SRBD1: variants seen among roughly 807,000 people sequenced by gnomAD.
SRBD1 encodes the protein S1 RNA binding domain 1.
In SRBD1, 88 loss-of-function variants were observed where a neutral mutation model predicts 115.3. The observed-to-expected ratio is 0.76, with a 90% confidence interval of 0.64 to 0.91. The LOEUF is 0.91. Among genes scored for constraint, SRBD1 ranks in the 40% least tolerant of loss-of-function variants. The probability of loss-of-function intolerance (pLI) is 0.00; values close to 1 mark genes in which losing one functional copy is unlikely to be tolerated. For synonymous variants in SRBD1, 509 were observed against 407.7 expected (o/e 1.25, Z -2.99); for missense variants, 1,385 against 1,177.4 (o/e 1.18, Z -2.58).
At chr2:45,520,128 G>C (rs1276393411) in intron 14 of SRBD1, among the ~76,000 whole-genome samples, 1 of 152,190 alleles carries the variant, frequency 6.6e-6, no homozygotes, top group Non-Finnish European at 1.5e-5. Context: ...TACTTAAAAA[G>C]ACAGATGTTC....
At chr2:45,397,156 G>C (rs1488306379) in intron 19 of SRBD1, among the ~76,000 whole-genome samples, 1 of 152,098 alleles carries the variant, frequency 6.6e-6, no homozygotes, top group Non-Finnish European at 1.5e-5. Context: ...GTCTTAATCT[G>C]TAATACAGGT....
chr2:45,506,809 A>C (rs1670813233), intron 14 of SRBD1, among the ~76,000 whole-genome samples: 1 of 152,200 alleles, frequency 6.6e-6, no homozygotes, highest in Admixed American at 6.5e-5. Flanking sequence ...ATGTAAATTA[A>C]ATAGTGCATA....
chr2:45,418,590 A>G, intron 17 of SRBD1, 49 bp from the exon 18 acceptor site: 1 of 1,551,934 alleles, frequency 6.4e-7, no homozygotes, highest in East Asian at 2.3e-5. Flanking sequence ...ATCTGAAAAG[A>G]CAATGATATA....
At chr2:45,432,586 C>T (rs190592823) in intron 16 of SRBD1, among the ~76,000 whole-genome samples, 1 of 152,258 alleles carries the variant, frequency 6.6e-6, no homozygotes, top group Non-Finnish European at 1.5e-5. Context: ...AGTTGTGACA[C>T]ATCACTCTAC....
At chr2:45,531,787 TTC>T (rs532235481) in intron 14 of SRBD1, among the ~76,000 whole-genome samples, 219 of 151,952 alleles carry the variant, frequency 1.4e-3, no homozygotes, top group African/African-American at 5.1e-3. Flanking sequence ...ATGGCAAGCC[TTC>T]TCTGAGTCCT....
At chr2:45,476,198 A>T (rs1669798357) in intron 16 of SRBD1, among the ~76,000 whole-genome samples, 1 of 152,190 alleles carries the variant, frequency 6.6e-6, no homozygotes, top group South Asian at 2.1e-4. Flanking sequence ...GATCTTGGGT[A>T]AATGTCTTAA....
intron 16 of SRBD1, among the ~76,000 whole-genome samples, chr2:45,465,663 A>C (rs965081068): frequency 6.6e-6 from 1 of 152,204 alleles, no homozygotes; most frequent in South Asian, 2.1e-4. Flanking sequence ...ATTATTTAAC[A>C]GTTCAGGTTT....
At chr2:45,564,692 C>T (rs1672772280) in intron 9 of SRBD1, among the ~76,000 whole-genome samples, 1 of 152,160 alleles carries the variant, frequency 6.6e-6, no homozygotes, top group East Asian at 1.9e-4. Flanking sequence ...AAAAAAAGTT[C>T]ACAACTTACA....
intron 14 of SRBD1, among the ~76,000 whole-genome samples, chr2:45,545,145 T>C (rs914270719): frequency 6.6e-6 from 1 of 151,714 alleles, no homozygotes; most frequent in Non-Finnish European, 1.5e-5. Flanking sequence ...CCGGGTGTGG[T>C]GGCGGGTGCC....
chr2:45,597,717 G>C (rs1262060411), intron 4 of SRBD1, among the ~76,000 whole-genome samples: 1 of 152,094 alleles, frequency 6.6e-6, no homozygotes, highest in Non-Finnish European at 1.5e-5. Context: ...TTTGTTCTTT[G>C]AAAGGTCCCT....
intron 16 of SRBD1, among the ~76,000 whole-genome samples, chr2:45,439,396 CATAT>C (rs3047189): frequency 2.3e-4 from 34 of 146,832 alleles, no homozygotes; most frequent in African/African-American, 7.7e-4. Context: ...TTGATGAATG[CATAT>C]ATATATATAT....
chr2:45,519,794 G>A (rs1442711514), intron 14 of SRBD1, among the ~76,000 whole-genome samples: 1 of 152,122 alleles, frequency 6.6e-6, no homozygotes, highest in Non-Finnish European at 1.5e-5. Context: ...CTGCTATACA[G>A]TAATGGAGCC....
At chr2:45,420,236 T>C (rs1001781720) in intron 16 of SRBD1, among the ~76,000 whole-genome samples, 3 of 152,190 alleles carry the variant, frequency 2.0e-5, no homozygotes, top group African/African-American at 7.2e-5. Context: ...TCAGTAGGTC[T>C]AGGGTGGGGT....
chr2:45,531,359 A>C (rs1423217012), intron 14 of SRBD1, among the ~76,000 whole-genome samples: 1 of 151,900 alleles, frequency 6.6e-6, no homozygotes, highest in East Asian at 1.9e-4. Flanking sequence ...TTCAATACGT[A>C]AAAACGCACA....
chr2:45,511,067 T>G (rs1670952394), intron 14 of SRBD1, among the ~76,000 whole-genome samples: 1 of 152,194 alleles, frequency 6.6e-6, no homozygotes, highest in African/African-American at 2.4e-5. Flanking sequence ...AAATCCTTGC[T>G]CCCTCTTTTG....
intron 14 of SRBD1, among the ~76,000 whole-genome samples, chr2:45,531,957 G>A (rs1426789479): frequency 6.6e-6 from 1 of 151,734 alleles, no homozygotes; most frequent in East Asian, 1.9e-4. Context: ...AAAGTTTGAT[G>A]ACTTTTCTTT....
At chr2:45,519,493 T>C (rs1029034694) in intron 14 of SRBD1, among the ~76,000 whole-genome samples, 1 of 152,204 alleles carries the variant, frequency 6.6e-6, no homozygotes, top group Non-Finnish European at 1.5e-5. Context: ...TATCTTTGAT[T>C]AAGCATGATT....
intron 20 of SRBD1, 40 bp from the exon 21 acceptor site, chr2:45,389,639 C>A: frequency 6.4e-7 from 1 of 1,574,506 alleles, no homozygotes; most frequent in Non-Finnish European, 8.6e-7. Context: ...AGGCATTGTA[C>A]TTCCTAGATA....
intron 4 of SRBD1, among the ~76,000 whole-genome samples, chr2:45,595,834 G>C (rs1407058045): frequency 6.6e-6 from 1 of 152,096 alleles, no homozygotes; most frequent in Non-Finnish European, 1.5e-5. Flanking sequence ...AGTTTCCCAG[G>C]CAATTTCCCT....
Sources: allele counts gnomAD v4.1 joint callset (sites outside exome capture counted in the v4.1 genomes callset), GRCh38; gene constraint gnomAD v4.1.1; transcripts MANE v1.5; gene names NCBI Gene and HGNC (gene_info 2026-07-23, HGNC 2026-07-21).